The following DSCAML1 variants were observed in gnomAD, a reference collection of about 807,000 sequenced individuals.
The protein encoded by DSCAML1 is DS cell adhesion molecule like 1, also known as cell adhesion molecule DSCAML1.
In DSCAML1, 38 loss-of-function variants were observed where a neutral mutation model predicts 200.5. The observed-to-expected ratio is 0.19, with a 90% CI of 0.15 to 0.25. The LOEUF (loss-of-function observed/expected upper bound fraction) is 0.25, where lower values mean the gene tolerates loss of function less well. DSCAML1 is among the 10% of genes least tolerant of loss of function. The probability of loss-of-function intolerance (pLI) is 1.00; values close to 1 mark genes in which losing one functional copy is unlikely to be tolerated. For missense variants in DSCAML1, 2,223 were observed against 2,858.8 expected, an observed-to-expected ratio of 0.78 and a Z score of 5.07; for synonymous variants, 1,215 against 1,165.0, an observed-to-expected ratio of 1.04 and a Z score of -0.87.
intron 21 of DSCAML1, among the ~76,000 whole-genome samples, chr11:117,442,293 GTA>G (rs1005647593): frequency 4.6e-5 from 7 of 151,292 alleles, no homozygotes; most frequent in African/African-American, 7.3e-5. Context: ...GTGTATGTGT[GTA>G]TATGTGTGCA....
rs1416705979 is a variant in DSCAML1 at position 117,432,435 on chromosome 11, C to T, written c.5096G>A (p.Cys1699Tyr). The part of the protein sequence containing the change: ...FSQAVNPQSF[C>Y]TGVSLHHPTL... Reference sequence around the variant, plus strand: ...TGGGTGGTGCAAGGAGACGCCAGTACAGAAGCTCTGTGGGTTGACAGCTTG... The same window carrying T: ...TGGGTGGTGCAAGGAGACGCCAGTATAGAAGCTCTGTGGGTTGACAGCTTG... Residue 1699 changes from cysteine to tyrosine, a missense_variant, in exon 30 of 33, where the codon TGT (cysteine) becomes TAT (tyrosine). Transcript: ENST00000651296. 1 of 1,614,082 alleles carries T rather than the reference C, an allele frequency of 6.2e-7. No homozygotes were observed. The highest frequency in any genetic ancestry group is 2.2e-5 in the East Asian group (1 of 44,898).
In DSCAML1 at chr11:117,667,386, T is replaced by G. The variant is rs544958001; in HGVS notation, c.511+109405A>C. ...AAGATGGCACCACTGCACTCCAGCC[T>G]GGGTGACAGAGACTCCGTCTCATAA... On this transcript the variant is annotated intron_variant, in intron 3 of 32. Transcript: ENST00000651296. Among the ~76,000 whole-genome samples, 4 of 152,302 alleles carry G rather than the reference T, an allele frequency of 2.6e-5. No homozygotes were observed. The East Asian group carries it at 7.7e-4, about 29-fold the overall frequency.
At chr11:117,697,592 C>T (rs1000113334) in intron 3 of DSCAML1, among the ~76,000 whole-genome samples, 11 of 152,108 alleles carry the variant, frequency 7.2e-5, no homozygotes, top group Non-Finnish European at 1.6e-4. Context: ...CACTAACCCC[C>T]CATTCCTTCC....
chr11:117,450,550 G>A lies in DSCAML1; in HGVS notation c.3707C>T (p.Pro1236Leu), dbSNP rs369803995. Residue 1236 changes from proline to leucine, a missense_variant and splice_region_variant, in exon 20 of 33, where the codon CCG becomes CTG. Pro to Leu is a moderately conservative substitution (Grantham distance 98, BLOSUM62 -3). Coordinates refer to ENST00000651296, the MANE Select transcript of DSCAML1 (RefSeq NM_020693.4). ...TCATCTGGCCCTGAACTCACTTACC[G>A]GCTGGCCAGACCCGGGGCTGGAACA... ...IFCSSPGSGQPAPSEYETSPE... is the reference protein window; with the variant it reads ...IFCSSPGSGQLAPSEYETSPE... The A allele has an allele frequency of 1.4e-4, 225 of 1,613,706 alleles. No individual in the cohort carries two copies. The highest frequency in any genetic ancestry group is 1.8e-4 in the Non-Finnish European group (209 of 1,179,936).
intron 3 of DSCAML1, among the ~76,000 whole-genome samples, chr11:117,768,236 C>T (rs1396497040): frequency 1.3e-5 from 2 of 152,194 alleles, no homozygotes; most frequent in Non-Finnish European, 1.5e-5. Flanking sequence ...AAATGTTTAT[C>T]AGGTACCCTG....
intron 1 of DSCAML1, among the ~76,000 whole-genome samples, chr11:117,795,815 C>T (rs368988539): frequency 1.3e-5 from 2 of 152,316 alleles, no homozygotes; most frequent in African/African-American, 4.8e-5. Flanking sequence ...GGGTTGGACC[C>T]CTCCCCGGGT....
intron 3 of DSCAML1, among the ~76,000 whole-genome samples, chr11:117,686,664 C>T (rs1311347015): frequency 1.3e-5 from 2 of 152,170 alleles, no homozygotes; most frequent in Non-Finnish European, 2.9e-5. Flanking sequence ...CCGGTGGGCA[C>T]CTGCATATAA....
chr11:117,763,507 AC>A (rs2054842259), intron 3 of DSCAML1, among the ~76,000 whole-genome samples: 1 of 152,008 alleles, frequency 6.6e-6, no homozygotes, highest in African/African-American at 2.4e-5. Flanking sequence ...TTCCTTCCAA[AC>A]CATGCCCCAC....
rs1335767287 is a variant in DSCAML1 at position 117,503,777 on chromosome 11, G to C, written c.2359+68C>G. 2.0e-6 allele frequency: 3 copies of C among 1,509,634 alleles called. No individual in the cohort carries two copies. The highest frequency in any genetic ancestry group is 2.7e-6 in the Non-Finnish European group (3 of 1,110,524). The allele number at this position is 1,509,634 out of a possible 1,614,324, so 93.5% of individuals were successfully genotyped here. A position where few individuals can be genotyped will look rare whatever the true frequency, so the allele number is the denominator to read the frequency against. ...CGACGGAGACTAAGAGAGTAGGCAG[G>C]GAGAGTGCAGAGCCGGGGCTTGGCT... On this transcript the variant is annotated intron_variant, in intron 11 of 32. Transcript: ENST00000651296. This position sits in a 1 kb window ranked among gnomAD's most constrained non-coding sequence, Gnocchi z 5.2.
chr11:117,650,698 T>TGCGC (rs1555194692), intron 3 of DSCAML1, among the ~76,000 whole-genome samples: 14 of 106,342 alleles, frequency 1.3e-4, no homozygotes, highest in Non-Finnish European at 1.3e-4. Context: ...TGTGTGTGTG[T>TGCGC]GTGCGTGTGT....
chr11:117,433,575 G>A (rs1271683551), intron 27 of DSCAML1, 104 bp from the exon 28 acceptor site: 2 of 1,266,110 alleles, frequency 1.6e-6, no homozygotes, highest in Non-Finnish European at 2.2e-6. Flanking sequence ...CTTAAAATGG[G>A]GCCAGGGCTG....
chr11:117,665,214 G>A (rs2052950259), intron 3 of DSCAML1, among the ~76,000 whole-genome samples: 1 of 152,184 alleles, frequency 6.6e-6, no homozygotes, highest in Non-Finnish European at 1.5e-5. Context: ...CACACAATCG[G>A]CCCCTTGAAG....
At chr11:117,542,332 A>ACC (rs1565777288) in intron 3 of DSCAML1, among the ~76,000 whole-genome samples, 1 of 132,188 alleles carries the variant, frequency 7.6e-6, no homozygotes, top group African/African-American at 3.1e-5. Flanking sequence ...CAAAACACAA[A>ACC]AACAACAACA....
Position 117,439,290 on chromosome 11 carries a change from T to A in DSCAML1, c.4120A>T (p.Ile1374Phe). The change falls in exon 23 of 33, where the codon ATC becomes TTC. Residue 1374 changes from isoleucine to phenylalanine, a missense_variant. Transcript: ENST00000651296. ...TATNTGGFDT[I>F]IVNLLVQVPP... is the part of the protein sequence containing the mutation. ...CCTTGCACCAGAAGGTTGACGATGA[T>A]GGTGTCAAAGCCACCAGTGTTGGTG... The A allele has an allele frequency of 6.2e-7, 1 of 1,614,096 alleles. No individual in the cohort carries two copies. Among genetic ancestry groups the A allele is most frequent in the Non-Finnish European group, 8.5e-7 (1 of 1,179,998 alleles).
At chr11:117,701,873 C>T (rs1481178718) in intron 3 of DSCAML1, among the ~76,000 whole-genome samples, 1 of 152,214 alleles carries the variant, frequency 6.6e-6, no homozygotes, top group Non-Finnish European at 1.5e-5. Flanking sequence ...AACCCCCAGA[C>T]CTCATGCCCA....
chr11:117,566,922 G>A (rs1412246397), intron 3 of DSCAML1, among the ~76,000 whole-genome samples: 2 of 151,462 alleles, frequency 1.3e-5, no homozygotes, highest in African/African-American at 4.9e-5. Flanking sequence ...CATTTTTTAC[G>A]GCTGCACAGT....
chr11:117,703,864 C>T (rs951458956), intron 3 of DSCAML1, among the ~76,000 whole-genome samples: 1 of 152,182 alleles, frequency 6.6e-6, no homozygotes, highest in Non-Finnish European at 1.5e-5. Flanking sequence ...TGATCAGCAT[C>T]ATAACAACCA....
At chr11:117,739,448 G>A (rs2054382125) in intron 3 of DSCAML1, among the ~76,000 whole-genome samples, 1 of 152,228 alleles carries the variant, frequency 6.6e-6, no homozygotes, top group South Asian at 2.1e-4. Flanking sequence ...ACACTGACCT[G>A]GGACATGGGA....
At chr11:117,759,985 C>T (rs2155385) in intron 3 of DSCAML1, among the ~76,000 whole-genome samples, 141,473 of 151,820 alleles carry the variant, frequency 0.93, 66,527 homozygotes, top group East Asian at 1. Flanking sequence ...AAAGAGGGCA[C>T]TGCTGAGCAC....
Sources: gnomAD v4.1 joint callset for allele counts (sites outside exome capture counted in the v4.1 genomes callset) on GRCh38, gnomAD v4.1.1 for gene constraint, Gnocchi (gnomAD v3.1) non-coding constraint, MANE v1.5 for transcripts, NCBI Gene and HGNC (gene_info 2026-07-23, HGNC 2026-07-21) for gene names.